Variants in ATAD2B observed in about 807,000 individuals in gnomAD.
The protein encoded by ATAD2B is ATPase family AAA domain containing 2B.
A neutral mutation model predicts 167.6 loss-of-function variants in ATAD2B; 40 were observed. The observed-to-expected ratio is 0.24, with a 90% CI of 0.19 to 0.31. The LOEUF (loss-of-function observed/expected upper bound fraction) is 0.31, where lower values mean the gene tolerates loss of function less well. ATAD2B is among the 10% of genes least tolerant of loss of function. The pLI is 1.00. For missense variants in ATAD2B, 1,242 were observed against 1,757.2 expected, an observed-to-expected ratio of 0.71 and a Z score of 5.24; for synonymous variants, 579 against 596.5, an observed-to-expected ratio of 0.97 and a Z score of 0.43.
chr2:23,702,845 C>T, the ATAD2B span, among the ~76,000 whole-genome samples: 7 of 152,352 alleles, frequency 4.6e-5, no homozygotes, highest in African/African-American at 1.7e-4. Flanking sequence ...AAAGCAAATG[C>T]TCAGTCCAGC....
At chr2:23,679,884 G>A in the ATAD2B span, among the ~76,000 whole-genome samples, 1 of 152,274 alleles carries the variant, frequency 6.6e-6, no homozygotes, top group Non-Finnish European at 1.5e-5. Context: ...ATGGAGGAAG[G>A]GGAGGGAAGA....
chr2:23,923,860 A>G (rs1262218599), intron 1 of ATAD2B, among the ~76,000 whole-genome samples: 14 of 152,154 alleles, frequency 9.2e-5, no homozygotes, highest in Non-Finnish European at 1.5e-5. Flanking sequence ...GAAAAGGGGG[A>G]AAAATAGGCA....
chr2:23,915,025 T>C (rs1041766502), intron 1 of ATAD2B, among the ~76,000 whole-genome samples: 1 of 152,168 alleles, frequency 6.6e-6, no homozygotes, highest in African/African-American at 2.4e-5. Flanking sequence ...GCAGCAATAT[T>C]TGCAGTAGCA....
intron 10 of ATAD2B, 129 bp downstream of exon 10, chr2:23,867,706 A>C (rs1695344440): frequency 1.5e-6 from 1 of 647,342 alleles, no homozygotes; most frequent in Non-Finnish European, 2.6e-6. Flanking sequence ...CTTAGGTTTC[A>C]AAACATATAC....
intron 22 of ATAD2B, among the ~76,000 whole-genome samples, chr2:23,769,715 T>G (rs1286578128): frequency 9.1e-6 from 1 of 110,186 alleles, no homozygotes; most frequent in South Asian, 3.2e-4. Context: ...ACTGTGGGTT[T>G]TTTTTTTTTT....
chr2:23,771,905 T>C (rs1050923295), intron 22 of ATAD2B, among the ~76,000 whole-genome samples: 1 of 152,182 alleles, frequency 6.6e-6, no homozygotes, highest in Non-Finnish European at 1.5e-5. Flanking sequence ...TAATCTGCCC[T>C]GCAAACCCAA....
intron 12 of ATAD2B, among the ~76,000 whole-genome samples, chr2:23,859,527 A>G (rs1007115224): frequency 1.3e-5 from 2 of 148,948 alleles, no homozygotes; most frequent in African/African-American, 2.4e-5. Flanking sequence ...AGGCTTATTT[A>G]TTTATTTTAA....
At chr2:23,847,631 T>G (rs1691874394) in intron 13 of ATAD2B, among the ~76,000 whole-genome samples, 2 of 149,486 alleles carry the variant, frequency 1.3e-5, no homozygotes, top group South Asian at 2.1e-4. Context: ...ACAGCCTTGG[T>G]GAAGGGAATG....
the ATAD2B span, among the ~76,000 whole-genome samples, chr2:23,711,066 G>A: frequency 6.6e-6 from 1 of 152,046 alleles, no homozygotes; most frequent in Non-Finnish European, 1.5e-5. Context: ...TTAGAAAAGG[G>A]AAAACAATGT....
At chr2:23,735,577 A>C in the ATAD2B span, among the ~76,000 whole-genome samples, 4 of 152,234 alleles carry the variant, frequency 2.6e-5, no homozygotes, top group South Asian at 2.1e-4. Context: ...GGAGGAGAAG[A>C]AAAGGACTAG....
downstream of ATAD2B, among the ~76,000 whole-genome samples, chr2:23,745,304 C>T (rs550334560): frequency 1.5e-3 from 216 of 142,966 alleles, 1 homozygote; most frequent in Middle Eastern, 0.016. Context: ...CAAGCACGCA[C>T]GCAAGAAAGA....
At chr2:23,887,758 G>T in intron 4 of ATAD2B, 74 bp downstream of exon 4, 3 of 1,350,376 alleles carry the variant, frequency 2.2e-6, no homozygotes, top group Admixed American at 2.6e-5. Flanking sequence ...CGTTGCTTAT[G>T]TTATTTTTTT....
chr2:23,813,580 T>TAA (rs35011854), intron 17 of ATAD2B, among the ~76,000 whole-genome samples: 5 of 138,558 alleles, frequency 3.6e-5, no homozygotes, highest in Non-Finnish European at 7.9e-5. Context: ...TACAAAAAAT[T>TAA]AAAAAAAAAA....
intron 18 of ATAD2B, among the ~76,000 whole-genome samples, chr2:23,806,414 T>C (rs1053149156): frequency 2.6e-5 from 4 of 152,164 alleles, no homozygotes; most frequent in Non-Finnish European, 5.9e-5. Flanking sequence ...GCATGAATAG[T>C]CTCTTCTGTT....
At chr2:23,831,981 T>G (rs1389452152) in intron 14 of ATAD2B, among the ~76,000 whole-genome samples, 1 of 152,230 alleles carries the variant, frequency 6.6e-6, no homozygotes, top group African/African-American at 2.4e-5. Context: ...CTTCCCATTT[T>G]CTCTTGAACT....
At chr2:23,862,624 T>C (rs973920004) in intron 12 of ATAD2B, among the ~76,000 whole-genome samples, 1 of 152,154 alleles carries the variant, frequency 6.6e-6, no homozygotes, top group African/African-American at 2.4e-5. Flanking sequence ...AAGTTTTTGT[T>C]ACAAATAAAT....
rs1488521459 is a variant in ATAD2B, at chr2:23,750,789, A to G, written c.*1257T>C. ...TGTAGAAAGTTTTTGTAAAACTAGTAACCCATAATTAATTTCAGATACATA... is the reference window on the plus strand; with the variant it reads ...TGTAGAAAGTTTTTGTAAAACTAGTGACCCATAATTAATTTCAGATACATA... On this transcript the variant is annotated 3_prime_UTR_variant, in exon 28 of 28. Coordinates refer to ENST00000238789, the MANE Select transcript of ATAD2B (RefSeq NM_017552.4). 1 of 152,176 alleles carries G rather than the reference A, an allele frequency of 6.6e-6. No individual in the cohort carries two copies. Among genetic ancestry groups the G allele is most frequent in the East Asian group, 1.9e-4 (1 of 5,198 alleles). The allele number at this position is 152,176 out of a possible 1,614,324, so 9.4% of individuals were successfully genotyped here.
chr2:23,746,585 A>G (rs1208268183), downstream of ATAD2B, among the ~76,000 whole-genome samples: 4 of 152,354 alleles, frequency 2.6e-5, no homozygotes, highest in East Asian at 5.8e-4. Flanking sequence ...ACACTAGTCC[A>G]AACAAAAGGA....
chr2:23,700,320 T>C, the ATAD2B span, among the ~76,000 whole-genome samples: 3 of 152,224 alleles, frequency 2.0e-5, no homozygotes, highest in Non-Finnish European at 4.4e-5. The surrounding 1 kb of genome is among the most constrained non-coding windows in gnomAD (Gnocchi z 4.6). Context: ...TTTTTAATTA[T>C]TAAAAATTAT....
Sources: allele counts gnomAD v4.1 joint callset (sites outside exome capture counted in the v4.1 genomes callset), GRCh38; gene constraint gnomAD v4.1.1; non-coding constraint Gnocchi (gnomAD v3.1); transcripts MANE v1.5; gene names NCBI Gene and HGNC (gene_info 2026-07-23, HGNC 2026-07-21).